Variants in FXR1 observed in about 807,000 individuals in gnomAD.
The protein encoded by FXR1 is FMR1 autosomal homolog 1.
In FXR1, 15 loss-of-function variants were observed where a neutral mutation model predicts 84.0. The ratio of observed to expected loss-of-function variants is 0.18; its 90% confidence interval spans 0.12 to 0.27. The LOEUF is 0.27. Ranked by LOEUF, FXR1 falls within the 10% of genes least tolerant of loss-of-function variation. The probability of loss-of-function intolerance (pLI) is 1.00; values close to 1 mark genes in which losing one functional copy is unlikely to be tolerated. For missense variants in FXR1, 480 were observed against 774.4 expected, an observed-to-expected ratio of 0.62 and a Z score of 4.51; for synonymous variants, 245 against 250.7, an observed-to-expected ratio of 0.98 and a Z score of 0.21.
In FXR1 at chr3:180,948,368, G is replaced by T. The variant is rs779051882; in HGVS notation, c.292G>T (p.Ala98Ser). The T allele has an allele frequency of 6.2e-7, 1 of 1,604,110 alleles. No individual in the cohort carries two copies. The highest frequency in any genetic ancestry group is 8.5e-7 in the Non-Finnish European group (1 of 1,171,774). ...KGEFYVIEYA[A>S]CDATYNEIVT... is the part of the protein sequence containing the mutation. ...TTAGTTTTATGTCATTGAATATGCT[G>T]CTTGTGACGCTACTTACAATGAAAT... Residue 98 changes from alanine to serine, a missense_variant, in exon 5 of 17, where the codon GCT becomes TCT. By Grantham distance (99) the Ala-to-Ser change is moderately conservative. Around this residue, in one of 6 missense-constraint regions of FXR1, gnomAD observed 136 missense variants for 315.4 expected, o/e 0.43. Transcript: ENST00000357559.
At chr3:180,941,810 T>C (rs1320117888) in intron 3 of FXR1, among the ~76,000 whole-genome samples, 1 of 152,214 alleles carries the variant, frequency 6.6e-6, no homozygotes. Flanking sequence ...AATACTATTA[T>C]TTAGGTAGAG....
Position 180,976,164 on chromosome 3 carries a change from A to C in FXR1, c.1738A>C (p.Ile580Leu). The C allele has an allele frequency of 3.7e-6, 6 of 1,613,542 alleles. No individual in the cohort carries two copies. The highest frequency in any genetic ancestry group is 5.1e-6 in the Non-Finnish European group (6 of 1,179,598). The change falls in exon 17 of 17, where the codon ATA (isoleucine) becomes CTA (leucine). Residue 580 changes from isoleucine (I) to leucine (L), a missense_variant. Ile to Leu is a conservative substitution (Grantham distance 5, BLOSUM62 2). Coordinates refer to ENST00000357559, the MANE Select transcript of FXR1 (RefSeq NM_005087.4). ...AGAGCATGGTCCTTCAGAAAAGGCAATAAACGGCCCAACTAGTGCTTCTGG... is the reference window on the plus strand; with the variant it reads ...AGAGCATGGTCCTTCAGAAAAGGCACTAAACGGCCCAACTAGTGCTTCTGG... ...IEEHGPSEKA[I>L]NGPTSASGDD... is the part of the protein sequence containing the mutation.
chr3:180,961,574 T>A lies in FXR1; in HGVS notation c.1077+20T>A, dbSNP rs1712124481. The A allele has an allele frequency of 2.9e-6, 3 of 1,040,692 alleles. No homozygotes were observed. The highest frequency in any genetic ancestry group is 1.8e-5 in the Admixed American group (1 of 55,204). The allele number at this position is 1,040,692 out of a possible 1,614,324, so 64.5% of individuals were successfully genotyped here. On this transcript the variant is annotated intron_variant, in intron 11 of 16. Transcript: ENST00000357559. ...CTAAAGGTTTGTATACGGTTCATAC[T>A]ATATTCTGATATTGTTGCTGCATTT...
chr3:180,951,873 C>G lies in FXR1; in HGVS notation c.801+405C>G, dbSNP rs532110408. ...ATACTTCGTCACTGGTTAATCATGA[C>G]GTTTGCAGGGGTAGAAAATTAGTAA... On this transcript the variant is annotated intron_variant, in intron 8 of 16. Transcript: ENST00000357559. Among the ~76,000 whole-genome samples, 48 of 152,154 alleles carry G rather than the reference C, an allele frequency of 3.2e-4. No individual in the cohort carries two copies. The South Asian group carries it at 9.1e-3, about 29-fold the overall frequency.
At position 180,927,693 on chromosome 3, in the gene FXR1, T is replaced by G. The variant is rs1205704260; in HGVS notation, c.52-5641T>G. The G allele has an allele frequency of 3.9e-5, 20 of 513,758 alleles. No individual in the cohort carries two copies. In the East Asian group the frequency reaches 6.7e-4, roughly 17 times the overall value. 31.8% of individuals were successfully genotyped at this position (513,758 alleles called of 1,614,324 possible). A position where few individuals can be genotyped will look rare whatever the true frequency, so the allele number is the denominator to read the frequency against. On this transcript the variant is annotated intron_variant, in intron 1 of 16. Transcript: ENST00000357559. ...AAAAAAAATGAGTAGATCTTCATAG[T>G]AAGGTAGGATCTACAAGACACAAAC...
At chr3:180,933,084 A>T (rs1206234197) in intron 1 of FXR1, 2 of 435,704 alleles carry the variant, frequency 4.6e-6, no homozygotes, top group African/African-American at 2.1e-5. Context: ...GAGGTGTTCC[A>T]GGGATGTACA....
At chr3:180,953,963 G>T (rs1367893530) in intron 9 of FXR1, 123 bp downstream of exon 9, 1 of 592,392 alleles carries the variant, frequency 1.7e-6, no homozygotes, top group Admixed American at 3.2e-5. Flanking sequence ...GATTTATTTA[G>T]ATAGCAATAC....
At position 180,980,732 on chromosome 3, in the gene FXR1, A is replaced by G. The variant is rs1714570253; in HGVS notation, c.*4440A>G. 2 of 152,054 alleles carry G rather than the reference A, an allele frequency of 1.3e-5. No homozygotes were observed. Among genetic ancestry groups the G allele is most frequent in the Non-Finnish European group, 2.9e-5 (2 of 67,938 alleles). The allele number at this position is 152,054 out of a possible 1,614,324, so 9.4% of individuals were successfully genotyped here. Reference sequence around the variant, plus strand: ...ATTATTGGGTCAGGAATAATAGGTGACACAGGATAGAAGCTCTTCCTATAT... The same window carrying G: ...ATTATTGGGTCAGGAATAATAGGTGGCACAGGATAGAAGCTCTTCCTATAT... On this transcript the variant is annotated 3_prime_UTR_variant, in exon 17 of 17. Transcript: ENST00000357559.
intron 1 of FXR1, among the ~76,000 whole-genome samples, chr3:180,926,830 A>G (rs1224493535): frequency 1.3e-5 from 2 of 152,066 alleles, no homozygotes; most frequent in African/African-American, 4.8e-5. Flanking sequence ...GGTCTTAAAA[A>G]AAATCTAAAG....
At chr3:180,928,118 T>C (rs1719444666) in intron 1 of FXR1, among the ~76,000 whole-genome samples, 1 of 146,800 alleles carries the variant, frequency 6.8e-6, no homozygotes, top group African/African-American at 2.6e-5. Context: ...GAATGTTTTA[T>C]CTATTGATTT....
intron 13 of FXR1, among the ~76,000 whole-genome samples, chr3:180,966,826 C>T (rs141018079): frequency 1.0e-3 from 155 of 151,950 alleles, no homozygotes; most frequent in African/African-American, 3.3e-3. Flanking sequence ...TATATTTGGT[C>T]ATATAAGAGG....
At chr3:180,972,177 T>A (rs1414935188) in intron 15 of FXR1, among the ~76,000 whole-genome samples, 1 of 152,188 alleles carries the variant, frequency 6.6e-6, no homozygotes, top group Non-Finnish European at 1.5e-5. Flanking sequence ...GGAAATATAT[T>A]TTAGGGCTGG....
At position 180,962,868 on chromosome 3, in the gene FXR1, T is replaced by A; in HGVS notation, c.1078-15T>A. 1 of 1,567,084 alleles carries A rather than the reference T, an allele frequency of 6.4e-7. No homozygotes were observed. Among genetic ancestry groups the A allele is most frequent in the Non-Finnish European group, 8.8e-7 (1 of 1,140,242 alleles). ...TATATATAAGAAGACTTACTCTTTT[T>A]TGTTTTGATTGTAGGAAGTAGAACA... is the stretch of plus-strand genomic sequence containing the variant. On this transcript the variant is annotated splice_polypyrimidine_tract_variant and intron_variant, in intron 11 of 16. Transcript: ENST00000357559.
intron 5 of FXR1, 57 bp downstream of exon 5, chr3:180,948,552 C>T (rs1483348797): frequency 4.6e-6 from 6 of 1,307,984 alleles, no homozygotes; most frequent in Admixed American, 2.0e-5. Context: ...TTTTTCAGTC[C>T]TACAAAACAT....
rs1721995506 is a variant in FXR1, at chr3:180,949,421, CTG to C, written c.630+80_630+81del. 1.0e-5 allele frequency: 8 copies of C among 799,084 alleles called. No individual in the cohort carries two copies. In the Admixed American group the frequency reaches 1.2e-4, roughly 12 times the overall value. The allele number at this position is 799,084 out of a possible 1,614,324, so 49.5% of individuals were successfully genotyped here. A position where few individuals can be genotyped will look rare whatever the true frequency, so the allele number is the denominator to read the frequency against. On this transcript the variant is annotated intron_variant, in intron 7 of 16. Transcript: ENST00000357559. ...TGTTTTTTGGAGACAGATTCTGGCT[CTG>C]TTGCCCAGGCTAGAGTGCAGTGGCA...
intron 9 of FXR1, 148 bp from the exon 10 acceptor site, chr3:180,957,671 G>C (rs893280903): frequency 1.9e-6 from 1 of 537,904 alleles, no homozygotes; most frequent in Non-Finnish European, 3.3e-6. Context: ...TTGGTAGTCT[G>C]TAGGGCGAGT....
In FXR1 at chr3:180,940,050, G is replaced by A. The variant is rs570460576; in HGVS notation, c.198+4819G>A. Among the ~76,000 whole-genome samples the A allele has an allele frequency of 4.6e-5, 7 of 152,248 alleles. No homozygotes were observed. In the East Asian group the frequency reaches 1.4e-3, roughly 29 times the overall value. The stretch of plus-strand genomic sequence containing the variant: ...CAGGGTTTGCCTTTCTAGCCCCTTA[G>A]GAAATTTACATGAAGTTACAGCACA... On this transcript the variant is annotated intron_variant, in intron 3 of 16. Transcript: ENST00000357559.
Position 180,953,832 on chromosome 3 carries a change from A to G in FXR1, c.872A>G (p.Asn291Ser). 1.3e-6 allele frequency: 2 copies of G among 1,528,448 alleles called. No homozygotes were observed. Among genetic ancestry groups the G allele is most frequent in the Non-Finnish European group, 1.8e-6 (2 of 1,103,552 alleles). The allele number at this position is 1,528,448 out of a possible 1,614,324, so 94.7% of individuals were successfully genotyped here. A position where few individuals can be genotyped will look rare whatever the true frequency, so the allele number is the denominator to read the frequency against. ...FVEDFIQVPR[N>S]LVGKVIGKNG... ...GAGGATTTTATTCAGGTTCCTAGGA[A>G]TCTCGTTGGTAGGTACTTTTACTAA... is the stretch of plus-strand genomic sequence containing the variant. The change falls in exon 9 of 17, where the codon AAT becomes AGT. Residue 291 changes from asparagine to serine, a missense_variant. Asn to Ser is a conservative substitution (Grantham distance 46). Coordinates refer to ENST00000357559, the MANE Select transcript of FXR1 (RefSeq NM_005087.4).
intron 3 of FXR1, among the ~76,000 whole-genome samples, chr3:180,944,645 G>C (rs887796777): frequency 6.6e-6 from 1 of 151,930 alleles, no homozygotes; most frequent in African/African-American, 2.4e-5. Context: ...CTTTTTTAAA[G>C]GCCATTATTG....
Sources: allele counts gnomAD v4.1 joint callset (sites outside exome capture counted in the v4.1 genomes callset), GRCh38; gene constraint gnomAD v4.1.1; regional missense constraint gnomAD v4.1.1; transcripts MANE v1.5; gene names NCBI Gene and HGNC (gene_info 2026-07-23, HGNC 2026-07-21).